Variants in NLN observed in about 807,000 individuals in gnomAD.
NLN encodes neurolysin, also known as neurolysin, mitochondrial.
In NLN, 64 loss-of-function variants were observed where a neutral mutation model predicts 79.9. The observed-to-expected ratio is 0.80, with a 90% confidence interval of 0.65 to 0.99. The LOEUF (loss-of-function observed/expected upper bound fraction) is 0.99. Ranked by LOEUF, NLN falls within the 50% of genes least tolerant of loss-of-function variation. The pLI is 0.00. For missense variants in NLN, 835 were observed against 858.7 expected, an observed-to-expected ratio of 0.97 and a Z score of 0.34; for synonymous variants, 267 against 296.6, an observed-to-expected ratio of 0.90 and a Z score of 1.02.
At chr5:65,806,402 A>G (rs1339417995) in intron 9 of NLN, among the ~76,000 whole-genome samples, 3 of 152,222 alleles carry the variant, frequency 2.0e-5, no homozygotes, top group Admixed American at 1.3e-4. Flanking sequence ...GAAGAGATCA[A>G]AATATCAACA....
At chr5:65,766,043 C>A (rs879257671) in intron 3 of NLN, among the ~76,000 whole-genome samples, 5 of 152,174 alleles carry the variant, frequency 3.3e-5, no homozygotes, top group African/African-American at 4.8e-5. Flanking sequence ...TAGCAACCGT[C>A]ATTTTCTTTT....
At chr5:65,738,067 T>C (rs1248521765) in intron 1 of NLN, among the ~76,000 whole-genome samples, 1 of 150,754 alleles carries the variant, frequency 6.6e-6, no homozygotes, top group African/African-American at 2.4e-5. Context: ...AGGCGGAGGT[T>C]GCAGTGAGCC....
intron 1 of NLN, chr5:65,740,808 C>T (rs1453724216): frequency 7.6e-6 from 1 of 131,584 alleles, no homozygotes; most frequent in Non-Finnish European, 1.6e-5. Flanking sequence ...GTTACTATAG[C>T]TTTGTTATAT....
At chr5:65,724,870 C>G (rs1758427042) in intron 1 of NLN, among the ~76,000 whole-genome samples, 2 of 148,986 alleles carry the variant, frequency 1.3e-5, no homozygotes, top group Non-Finnish European at 3.0e-5. Context: ...GGCGCTATCT[C>G]GGCTCACTGC....
intron 12 of NLN, among the ~76,000 whole-genome samples, chr5:65,819,499 TG>T (rs1760747571): frequency 6.6e-6 from 1 of 152,136 alleles, no homozygotes; most frequent in African/African-American, 2.4e-5. Context: ...CTTCAGAAAT[TG>T]TCACTGTTAG....
intron 12 of NLN, 75 bp downstream of exon 12, chr5:65,812,466 G>A: frequency 9.9e-7 from 1 of 1,012,592 alleles, no homozygotes; most frequent in Non-Finnish European, 1.5e-6. Context: ...TAAAATATTG[G>A]TCACATCTAG....
intron 1 of NLN, among the ~76,000 whole-genome samples, chr5:65,755,147 C>T (rs1173237083): frequency 1.3e-5 from 2 of 151,956 alleles, no homozygotes; most frequent in Admixed American, 6.6e-5. Flanking sequence ...CCATTTCTTC[C>T]TATCTCTGTA....
chr5:65,749,107 A>AT (rs1759049206), intron 1 of NLN, among the ~76,000 whole-genome samples: 1 of 152,174 alleles, frequency 6.6e-6, no homozygotes, highest in Non-Finnish European at 1.5e-5. Context: ...TTCTGCTATG[A>AT]TTGTGAGGCC....
chr5:65,809,447 A>G lies in NLN; in HGVS notation c.1528-68A>G, dbSNP rs900159232. On this transcript the variant is annotated intron_variant, in intron 9 of 12. Coordinates refer to ENST00000380985, the MANE Select transcript of NLN (RefSeq NM_020726.5). ...TCTGCCTTAAGTTTTCGTGACTCTT[A>G]ATAATTATTCATTGCATATGTACTT... is the stretch of plus-strand genomic sequence containing the variant. 4.5e-6 allele frequency: 6 copies of G among 1,346,254 alleles called. No homozygotes were observed. The East Asian group carries it at 1.4e-4, about 31-fold the overall frequency. 83.4% of individuals were successfully genotyped at this position (1,346,254 alleles called of 1,614,324 possible). A position where few individuals can be genotyped will look rare whatever the true frequency, so the allele number is the denominator to read the frequency against.
chr5:65,792,755 C>T, intron 9 of NLN, 100 bp downstream of exon 9: 2 of 1,018,566 alleles, frequency 2.0e-6, no homozygotes, highest in Non-Finnish European at 1.6e-6. Flanking sequence ...TTTTCAGAAG[C>T]TGAATGTGTT....
At chr5:65,771,742 T>C (rs184383227) in intron 3 of NLN, among the ~76,000 whole-genome samples, 6 of 152,108 alleles carry the variant, frequency 3.9e-5, no homozygotes, top group African/African-American at 1.2e-4. Flanking sequence ...ACCGACCGGG[T>C]ATAGTGGCTC....
intron 3 of NLN, among the ~76,000 whole-genome samples, chr5:65,776,074 A>C (rs1037731528): frequency 6.6e-6 from 1 of 152,086 alleles, no homozygotes; most frequent in Non-Finnish European, 1.5e-5. Flanking sequence ...CCAACATGGC[A>C]AAACCCCGTC....
At chr5:65,803,097 C>T (rs767106817) in intron 9 of NLN, among the ~76,000 whole-genome samples, 7 of 152,160 alleles carry the variant, frequency 4.6e-5, no homozygotes, top group Non-Finnish European at 8.8e-5. Flanking sequence ...GAGGGGAGAA[C>T]GTGCAGGCTG....
chr5:65,822,100 T>TA (rs1370658210), intron 12 of NLN, among the ~76,000 whole-genome samples: 6 of 152,254 alleles, frequency 3.9e-5, no homozygotes, highest in Non-Finnish European at 8.8e-5. Flanking sequence ...ACAATGCTGA[T>TA]ACTGAATAAC....
At chr5:65,801,591 G>A (rs544751200) in intron 9 of NLN, among the ~76,000 whole-genome samples, 15 of 152,068 alleles carry the variant, frequency 9.9e-5, no homozygotes, top group Non-Finnish European at 1.8e-4. Flanking sequence ...ACCAACTTTC[G>A]GGAAATTAGT....
Position 65,792,602 on chromosome 5 carries a change from G to A in NLN, c.1474G>A (p.Val492Met), listed in dbSNP as rs748904931. The change falls in exon 9 of 13, where the codon GTG becomes ATG. Residue 492 changes from valine to methionine, a missense_variant. By Grantham distance (21) the Val-to-Met change is conservative (BLOSUM62 1). Transcript: ENST00000380985. ...GRPSLLRHDE[V>M]RTYFHEFGHV... The stretch of plus-strand genomic sequence containing the variant: ...TCCCTCTCTCCTGAGACACGACGAG[G>A]TGAGGACTTACTTTCATGAGTTTGG... 1.7e-5 allele frequency: 28 copies of A among 1,614,098 alleles called. No individual in the cohort carries two copies. In the South Asian group the frequency reaches 2.9e-4, roughly 16 times the overall value.
At chr5:65,727,958 G>A (rs1348330076) in intron 1 of NLN, among the ~76,000 whole-genome samples, 2 of 152,182 alleles carry the variant, frequency 1.3e-5, no homozygotes, top group African/African-American at 2.4e-5. Context: ...AGTAGAGCTG[G>A]GGTTTCACTA....
At chr5:65,730,665 T>G (rs959414142) in intron 1 of NLN, among the ~76,000 whole-genome samples, 1 of 151,972 alleles carries the variant, frequency 6.6e-6, no homozygotes, top group East Asian at 1.9e-4. Context: ...CAAGCAATTC[T>G]CCCACCTCAG....
intron 1 of NLN, among the ~76,000 whole-genome samples, chr5:65,731,930 T>C (rs1257376681): frequency 6.6e-6 from 1 of 151,798 alleles, no homozygotes; most frequent in Non-Finnish European, 1.5e-5. Context: ...TTTGTATTAT[T>C]TGTAGAGACA....
Sources: gnomAD v4.1 joint callset for allele counts (sites outside exome capture counted in the v4.1 genomes callset) on GRCh38, gnomAD v4.1.1 for gene constraint, MANE v1.5 for transcripts, NCBI Gene and HGNC (gene_info 2026-07-23, HGNC 2026-07-21) for gene names.